The following ZBTB20 variants were observed in gnomAD, a reference collection of about 807,000 sequenced individuals.
ZBTB20 encodes the protein zinc finger and BTB domain containing 20, also known as zinc finger and BTB domain-containing protein 20.
In ZBTB20, 9 loss-of-function variants were observed where a neutral mutation model predicts 56.9. The observed-to-expected ratio is 0.16, with a 90% confidence interval of 0.10 to 0.28. The LOEUF is 0.28. Among genes scored for constraint, ZBTB20 ranks in the 10% least tolerant of loss-of-function variants. ZBTB20 has a pLI of 1.00. For synonymous variants in ZBTB20, 417 were observed against 420.7 expected, an observed-to-expected ratio of 0.99 and a Z score of 0.11; for missense variants, 655 against 1,003.0, an observed-to-expected ratio of 0.65 and a Z score of 4.69.
At chr3:114,863,778 T>C (rs1312926951) in intron 4 of ZBTB20, among the ~76,000 whole-genome samples, 1 of 152,066 alleles carries the variant, frequency 6.6e-6, no homozygotes, top group Non-Finnish European at 1.5e-5. Flanking sequence ...AAATGCAGCT[T>C]TTACAAGTAT....
chr3:114,557,612 C>T (rs1261999258), intron 6 of ZBTB20, among the ~76,000 whole-genome samples: 2 of 151,880 alleles, frequency 1.3e-5, no homozygotes, highest in Non-Finnish European at 2.9e-5. Context: ...TTACCCTGAA[C>T]TCTAATGCAG....
At chr3:114,483,915 T>C (rs1221246730) in intron 7 of ZBTB20, among the ~76,000 whole-genome samples, 1 of 151,632 alleles carries the variant, frequency 6.6e-6, no homozygotes, top group East Asian at 1.9e-4. Flanking sequence ...TGAACTAAGG[T>C]TCAAAGGACC....
rs1404129595 is a variant in ZBTB20 at position 114,627,021 on chromosome 3, ATGGAATAG to A, written c.-295+66499_-295+66506del. ...TCAGGCCTCTTGGCTCAATCTCTTC[ATGGAATAG>A]TGGTTGTGGCAGGGAATATTTTACT... On this transcript the variant is annotated intron_variant, in intron 6 of 11. Transcript: ENST00000675478. Among the ~76,000 whole-genome samples, 9 of 152,270 alleles carry A rather than the reference ATGGAATAG, an allele frequency of 5.9e-5. No homozygotes were observed. In the East Asian group the frequency reaches 1.7e-3, roughly 29 times the overall value.
intron 5 of ZBTB20, among the ~76,000 whole-genome samples, chr3:114,791,446 C>T (rs182122021): frequency 6.2e-4 from 94 of 152,254 alleles, no homozygotes; most frequent in African/African-American, 2.3e-3. Context: ...TACTGAGCAG[C>T]CAGAGTCTAG....
intron 6 of ZBTB20, among the ~76,000 whole-genome samples, chr3:114,661,765 G>A (rs1418689665): frequency 6.6e-6 from 1 of 152,040 alleles, no homozygotes; most frequent in Non-Finnish European, 1.5e-5. Flanking sequence ...TGCCTATAAT[G>A]TGACTTTGGG....
At chr3:114,995,069 G>A (rs975940740) in intron 2 of ZBTB20, among the ~76,000 whole-genome samples, 4 of 151,840 alleles carry the variant, frequency 2.6e-5, no homozygotes, top group East Asian at 1.9e-4. Context: ...AAGTGTGTGC[G>A]CATGTGCTGC....
At chr3:114,867,622 A>G (rs551652203) in intron 4 of ZBTB20, among the ~76,000 whole-genome samples, 2 of 152,192 alleles carry the variant, frequency 1.3e-5, no homozygotes, top group East Asian at 3.9e-4. Flanking sequence ...TTCAGTAGAG[A>G]TGGGATCTCA....
intron 2 of ZBTB20, among the ~76,000 whole-genome samples, chr3:115,009,277 G>A (rs1052475945): frequency 2.0e-5 from 3 of 151,776 alleles, no homozygotes; most frequent in Non-Finnish European, 4.4e-5. Flanking sequence ...AATTGTGTGA[G>A]TAAAAACTCT....
At chr3:114,549,979 C>T (rs2050363158) in intron 6 of ZBTB20, among the ~76,000 whole-genome samples, 1 of 152,052 alleles carries the variant, frequency 6.6e-6, no homozygotes, top group Admixed American at 6.5e-5. Context: ...GCTCTGTGGC[C>T]CAGGTTGGAG....
chr3:114,982,066 A>C (rs2078353013), intron 2 of ZBTB20, among the ~76,000 whole-genome samples: 1 of 152,166 alleles, frequency 6.6e-6, no homozygotes, highest in Middle Eastern at 3.4e-3. Flanking sequence ...AAATTAAAAA[A>C]CTAAGGTACC....
At chr3:114,585,860 T>C (rs1220006013) in intron 6 of ZBTB20, among the ~76,000 whole-genome samples, 1 of 152,224 alleles carries the variant, frequency 6.6e-6, no homozygotes, top group Admixed American at 6.5e-5. Flanking sequence ...ATGTACAGTA[T>C]CAGCTAACTT....
At chr3:114,743,198 T>C (rs1178149043) in intron 5 of ZBTB20, among the ~76,000 whole-genome samples, 1 of 152,122 alleles carries the variant, frequency 6.6e-6, no homozygotes, top group Non-Finnish European at 1.5e-5. Flanking sequence ...AAGGGAAGTA[T>C]AAAGCTGGCC....
At chr3:114,969,221 G>T (rs1406795384) in intron 3 of ZBTB20, among the ~76,000 whole-genome samples, 1 of 152,016 alleles carries the variant, frequency 6.6e-6, no homozygotes, top group African/African-American at 2.4e-5. Context: ...ATAAATATTC[G>T]CTAGAAAATG....
chr3:114,744,140 A>G (rs2066852024), intron 5 of ZBTB20, among the ~76,000 whole-genome samples: 1 of 152,230 alleles, frequency 6.6e-6, no homozygotes, highest in Non-Finnish European at 1.5e-5. Flanking sequence ...CTTAAAAAAT[A>G]TAACAGTAGC....
chr3:115,080,068 G>A (rs2082742598), intron 1 of ZBTB20, among the ~76,000 whole-genome samples: 1 of 152,152 alleles, frequency 6.6e-6, no homozygotes, highest in African/African-American at 2.4e-5. Flanking sequence ...CCAATGTAAT[G>A]CCACTAGCAG....
intron 3 of ZBTB20, among the ~76,000 whole-genome samples, chr3:114,910,650 T>C (rs1244131832): frequency 1.3e-5 from 2 of 152,024 alleles, no homozygotes; most frequent in African/African-American, 4.8e-5. Context: ...ATATCAGCCA[T>C]ATAAGTGGTT....
chr3:114,375,467 C>T, intron 10 of ZBTB20, among the ~76,000 whole-genome samples: 1 of 152,176 alleles, frequency 6.6e-6, no homozygotes, highest in East Asian at 1.9e-4. Flanking sequence ...TTTTACTTTC[C>T]AGTTTGAATA....
chr3:114,901,478 G>A (rs1177633527), intron 3 of ZBTB20, among the ~76,000 whole-genome samples: 4 of 151,980 alleles, frequency 2.6e-5, no homozygotes, highest in Non-Finnish European at 5.9e-5. Flanking sequence ...AGACTTTCTA[G>A]AAACCCACTG....
At chr3:114,459,015 G>A (rs948805887) in intron 7 of ZBTB20, among the ~76,000 whole-genome samples, 15 of 152,104 alleles carry the variant, frequency 9.9e-5, no homozygotes, top group African/African-American at 3.6e-4. Flanking sequence ...GTATGAATAA[G>A]TCATCAAATA....
Sources: allele counts gnomAD v4.1 joint callset (sites outside exome capture counted in the v4.1 genomes callset), GRCh38; gene constraint gnomAD v4.1.1; transcripts MANE v1.5; gene names NCBI Gene and HGNC (gene_info 2026-07-23, HGNC 2026-07-21).